The following MARCHF1 variants were observed in gnomAD, a reference collection of about 807,000 sequenced individuals.
MARCHF1 encodes membrane associated ring-CH-type finger 1.
MARCHF1 carries 40 observed loss-of-function variants against 54.2 expected under a neutral mutation model. That is an observed-to-expected ratio of 0.74 (90% CI 0.57 to 0.96). The LOEUF is 0.96. MARCHF1 is among the 40% of genes least tolerant of loss of function. The probability of loss-of-function intolerance (pLI) is 0.00; values close to 1 mark genes in which losing one functional copy is unlikely to be tolerated. For missense variants in MARCHF1, 586 were observed against 656.5 expected, an observed-to-expected ratio of 0.89 and a Z score of 1.17; for synonymous variants, 236 against 236.3, an observed-to-expected ratio of 1.00 and a Z score of 0.01.
chr4:163,917,248 T>C (rs923643178), intron 3 of MARCHF1, among the ~76,000 whole-genome samples: 10 of 152,196 alleles, frequency 6.6e-5, no homozygotes, highest in Admixed American at 5.2e-4. Flanking sequence ...GTTAGGATCT[T>C]CAACTCCTGT....
At chr4:163,754,613 CTT>C (rs1746612885) in intron 4 of MARCHF1, among the ~76,000 whole-genome samples, 1 of 152,206 alleles carries the variant, frequency 6.6e-6, no homozygotes, top group East Asian at 1.9e-4. Context: ...TTAAATCAAT[CTT>C]TTTTTGCACC....
intron 2 of MARCHF1, among the ~76,000 whole-genome samples, chr4:164,038,443 A>C (rs1754057563): frequency 1.3e-5 from 2 of 152,222 alleles, no homozygotes; most frequent in South Asian, 4.1e-4. Flanking sequence ...CAGTGAGTGG[A>C]GATTGTGCCA....
At chr4:163,578,234 G>A (rs1740102629) in intron 8 of MARCHF1, among the ~76,000 whole-genome samples, 1 of 152,000 alleles carries the variant, frequency 6.6e-6, no homozygotes, top group Non-Finnish European at 1.5e-5. Flanking sequence ...TCTCAGGAGT[G>A]GATCTGTATC....
intron 3 of MARCHF1, among the ~76,000 whole-genome samples, chr4:163,954,476 A>G (rs979963311): frequency 3.9e-5 from 6 of 152,166 alleles, no homozygotes; most frequent in Admixed American, 6.6e-5. Context: ...TCCCTTGGAT[A>G]CTGTTAGGTA....
chr4:163,875,103 A>AG (rs1468646157), intron 3 of MARCHF1, among the ~76,000 whole-genome samples: 2 of 152,264 alleles, frequency 1.3e-5, no homozygotes, highest in East Asian at 3.9e-4. Flanking sequence ...TGGTCAGTTA[A>AG]GGATAATTTA....
At chr4:164,126,609 C>T (rs13142461) in intron 1 of MARCHF1, among the ~76,000 whole-genome samples, 3 of 152,048 alleles carry the variant, frequency 2.0e-5, no homozygotes, top group Non-Finnish European at 4.4e-5. Flanking sequence ...AAAAACCCTA[C>T]CTTGCTCTGA....
intron 1 of MARCHF1, among the ~76,000 whole-genome samples, chr4:164,361,818 ACATT>A (rs1165282087): frequency 6.6e-6 from 1 of 152,146 alleles, no homozygotes; most frequent in Admixed American, 6.6e-5. Flanking sequence ...TTTTGAAATT[ACATT>A]CACAACACTG....
chr4:164,046,878 G>C (rs571186248), intron 2 of MARCHF1, among the ~76,000 whole-genome samples: 58 of 152,134 alleles, frequency 3.8e-4, no homozygotes, highest in African/African-American at 1.4e-3. Flanking sequence ...TTAAGAGAAA[G>C]GAATAACATA....
intron 2 of MARCHF1, among the ~76,000 whole-genome samples, chr4:164,019,982 C>T (rs1171464864): frequency 6.6e-6 from 1 of 152,144 alleles, no homozygotes; most frequent in Non-Finnish European, 1.5e-5. Context: ...ATTTTTAATT[C>T]AAAAGTCCTC....
intron 3 of MARCHF1, among the ~76,000 whole-genome samples, chr4:163,892,618 AAAAT>A (rs1461125271): frequency 1.3e-5 from 2 of 151,150 alleles, no homozygotes; most frequent in Non-Finnish European, 3.0e-5. Context: ...TAAAAATAAA[AAAAT>A]AAAAAAAATT....
At chr4:164,167,948 T>C (rs758608822) in intron 1 of MARCHF1, among the ~76,000 whole-genome samples, 8 of 151,918 alleles carry the variant, frequency 5.3e-5, no homozygotes, top group Non-Finnish European at 1.0e-4. Context: ...AAAGCTTTTG[T>C]ACAGCAAAGG....
Position 163,604,399 on chromosome 4 carries a change from A to G in MARCHF1, c.1010+7872T>C, listed in dbSNP as rs115707943. On this transcript the variant is annotated intron_variant, in intron 7 of 9. Coordinates refer to ENST00000514618, the MANE Select transcript of MARCHF1 (RefSeq NM_001394959.1). ...AATCAGAAACCTGAAAGCCGATTAT[A>G]TATATGTAGTTCGTGACCAATTCTT... Among the ~76,000 whole-genome samples, 372 of 152,270 alleles carry G rather than the reference A, an allele frequency of 2.4e-3. 2 individuals are homozygous for G. Among genetic ancestry groups the G allele is most frequent in the African/African-American group, 8.3e-3 (345 of 41,568 alleles).
At chr4:163,924,788 C>A (rs1751503602) in intron 3 of MARCHF1, among the ~76,000 whole-genome samples, 1 of 151,732 alleles carries the variant, frequency 6.6e-6, no homozygotes, top group Admixed American at 6.6e-5. Context: ...AAGCTCTTCG[C>A]CAAATTTGCT....
intron 1 of MARCHF1, among the ~76,000 whole-genome samples, chr4:164,234,020 T>C (rs1032098515): frequency 3.3e-5 from 5 of 152,172 alleles, no homozygotes; most frequent in Non-Finnish European, 5.9e-5. Context: ...CATTTTTCAA[T>C]AAGAATTTAT....
intron 5 of MARCHF1, among the ~76,000 whole-genome samples, chr4:163,676,185 C>CAAAAAAAA (rs869219643): frequency 1.1e-3 from 95 of 89,224 alleles, no homozygotes; most frequent in Non-Finnish European, 1.1e-3. Flanking sequence ...ACTAAAAATA[C>CAAAAAAAA]AAAAAAAAAA....
At chr4:164,058,457 C>G (rs1049962831) in intron 2 of MARCHF1, among the ~76,000 whole-genome samples, 26 of 152,230 alleles carry the variant, frequency 1.7e-4, no homozygotes, top group Non-Finnish European at 2.9e-5. Flanking sequence ...CCAGTGAAGT[C>G]ACTCAGGGAT....
At chr4:163,545,467 A>C (rs925965781) in intron 9 of MARCHF1, 129 bp downstream of exon 9, 1 of 789,100 alleles carries the variant, frequency 1.3e-6, no homozygotes, top group Non-Finnish European at 2.0e-6. Flanking sequence ...GGGAAGAATC[A>C]ATAGCAAATA....
Position 163,904,344 on chromosome 4 carries a change from C to T in MARCHF1, c.-38-50175G>A, listed in dbSNP as rs75056676. Among the ~76,000 whole-genome samples the T allele has an allele frequency of 3.4e-3, 513 of 152,274 alleles. 5 individuals carry two copies. The highest frequency in any genetic ancestry group is 0.011 in the African/African-American group (475 of 41,554). ...AATTAGAGCGCTCCCTGTGTCTTAG[C>T]TTCTGAGAGTAACTGTTATACTGGG... On this transcript the variant is annotated intron_variant, in intron 3 of 9. Coordinates refer to ENST00000514618, the MANE Select transcript of MARCHF1 (RefSeq NM_001394959.1).
intron 1 of MARCHF1, among the ~76,000 whole-genome samples, chr4:164,127,964 A>G (rs7691235): frequency 0.7 from 105,750 of 152,072 alleles, 38,510 homozygotes; most frequent in Non-Finnish European, 0.82. Flanking sequence ...ACATAATATA[A>G]TGCCTCTGTA....
Sources: gnomAD v4.1 joint callset for allele counts (sites outside exome capture counted in the v4.1 genomes callset) on GRCh38, gnomAD v4.1.1 for gene constraint, MANE v1.5 for transcripts, NCBI Gene and HGNC (gene_info 2026-07-23, HGNC 2026-07-21) for gene names.